The following GSK3B variants were observed in gnomAD, a reference collection of about 807,000 sequenced individuals.
GSK3B encodes glycogen synthase kinase 3 beta.
A neutral mutation model predicts 56.4 loss-of-function variants in GSK3B; 15 were observed. The ratio of observed to expected loss-of-function variants is 0.27; its 90% confidence interval spans 0.18 to 0.41. GSK3B has a LOEUF of 0.41. Among genes scored for constraint, GSK3B ranks in the 10% least tolerant of loss-of-function variants. The probability of loss-of-function intolerance (pLI) is 1.00; values close to 1 mark genes in which losing one functional copy is unlikely to be tolerated. For synonymous variants in GSK3B, 181 were observed against 188.9 expected (o/e 0.96, Z 0.34); for missense variants, 300 against 513.4 (o/e 0.58, Z 4.02).
chr3:119,889,203 A>G (rs2056473864), intron 7 of GSK3B, among the ~76,000 whole-genome samples: 1 of 152,038 alleles, frequency 6.6e-6, no homozygotes, highest in South Asian at 2.1e-4. Context: ...TCAGGTGGGC[A>G]TCACGGTTCT....
chr3:120,023,873 C>T (rs1431890603), intron 1 of GSK3B, among the ~76,000 whole-genome samples: 2 of 152,146 alleles, frequency 1.3e-5, no homozygotes, highest in Admixed American at 1.3e-4. Context: ...AATTGTGACC[C>T]GCGTAGGCAA....
At chr3:119,977,234 TAAGA>T (rs1248808000) in intron 2 of GSK3B, among the ~76,000 whole-genome samples, 1 of 152,164 alleles carries the variant, frequency 6.6e-6, no homozygotes. Context: ...TCTGTATCCT[TAAGA>T]AACTCTGTAT....
chr3:119,852,830 G>A (rs2055957473), intron 9 of GSK3B, among the ~76,000 whole-genome samples: 1 of 152,138 alleles, frequency 6.6e-6, no homozygotes, highest in South Asian at 2.1e-4. Context: ...TTAGCCCTTT[G>A]TCAGATGGGT....
chr3:119,875,664 T>C (rs1263836326), intron 8 of GSK3B, among the ~76,000 whole-genome samples: 4 of 152,032 alleles, frequency 2.6e-5, no homozygotes. Flanking sequence ...TCACTCTACT[T>C]ATAAACCCTA....
chr3:119,891,250 T>G (rs1405869929), intron 7 of GSK3B, among the ~76,000 whole-genome samples: 1 of 151,618 alleles, frequency 6.6e-6, no homozygotes, highest in Non-Finnish European at 1.5e-5. Context: ...AAAACAGCAT[T>G]CTAAAAGAGA....
rs1437190830 is a variant in GSK3B, at chr3:119,967,824, CTCTT to C, written c.283-20477_283-20474del. Among the ~76,000 whole-genome samples, 19 of 88,612 alleles carry C rather than the reference CTCTT, an allele frequency of 2.1e-4. No individual in the cohort carries two copies. The South Asian group carries it at 4.9e-3, about 23-fold the overall frequency. 58.1% of individuals were successfully genotyped at this position (88,612 alleles called of 152,430 possible). A position where few individuals can be genotyped will look rare whatever the true frequency, so the allele number is the denominator to read the frequency against. ...TCCCTCTCTCCCTCCCTCCCTTTCTCTCTTTCTCTTTCTCTCTCTCTCTCTCTCT... is the reference window on the plus strand; with the variant it reads ...TCCCTCTCTCCCTCCCTCCCTTTCTCTCTCTTTCTCTCTCTCTCTCTCTCT... On this transcript the variant is annotated intron_variant, in intron 2 of 10. Coordinates refer to ENST00000264235, the MANE Select transcript of GSK3B (RefSeq NM_001146156.2).
intron 1 of GSK3B, among the ~76,000 whole-genome samples, chr3:120,089,759 T>C (rs901487460): frequency 6.6e-6 from 1 of 152,114 alleles, no homozygotes; most frequent in Admixed American, 6.6e-5. Flanking sequence ...CCACAAACAG[T>C]CCCTTACTTT....
chr3:119,825,455 A>C lies in GSK3B; in HGVS notation c.*1333T>G, dbSNP rs954392403. ...GAAACATTCTTCTCATGCTTCAACC[A>C]GTCAATTTTGATACTGTAGACAAAA... is the stretch of plus-strand genomic sequence containing the variant. On this transcript the variant is annotated 3_prime_UTR_variant, in exon 11 of 11. Coordinates refer to ENST00000264235, the MANE Select transcript of GSK3B (RefSeq NM_001146156.2). The C allele has an allele frequency of 4.4e-6, 1 of 228,970 alleles. No homozygotes were observed. The highest frequency in any genetic ancestry group is 8.7e-6 in the Non-Finnish European group (1 of 115,558). 14.2% of individuals were successfully genotyped at this position (228,970 alleles called of 1,614,324 possible).
intron 8 of GSK3B, among the ~76,000 whole-genome samples, chr3:119,875,087 T>C (rs925292378): frequency 1.3e-5 from 2 of 152,036 alleles, no homozygotes; most frequent in Non-Finnish European, 2.9e-5. Context: ...TACCATAAAC[T>C]TTTAAAAAAG....
chr3:120,073,292 T>C, intron 1 of GSK3B, among the ~76,000 whole-genome samples: 1 of 148,686 alleles, frequency 6.7e-6, no homozygotes, highest in Non-Finnish European at 1.5e-5. Context: ...GAAAGGCTGA[T>C]GCAAGAGTAT....
At chr3:119,961,832 C>A (rs1397798673) in intron 2 of GSK3B, among the ~76,000 whole-genome samples, 1 of 152,042 alleles carries the variant, frequency 6.6e-6, no homozygotes, top group African/African-American at 2.4e-5. Flanking sequence ...ATGATGAGTA[C>A]CCATATAGTA....
chr3:119,973,010 G>A (rs1293608002), intron 2 of GSK3B, among the ~76,000 whole-genome samples: 1 of 152,140 alleles, frequency 6.6e-6, no homozygotes, highest in Non-Finnish European at 1.5e-5. Flanking sequence ...TGGCTCCTCA[G>A]AATTCTACAC....
intron 3 of GSK3B, among the ~76,000 whole-genome samples, chr3:119,938,932 A>G (rs1394402792): frequency 6.6e-6 from 1 of 152,094 alleles, no homozygotes; most frequent in African/African-American, 2.4e-5. Flanking sequence ...AAGAAACAAA[A>G]TTAATAAAAT....
At chr3:119,963,010 C>A (rs573286881) in intron 2 of GSK3B, among the ~76,000 whole-genome samples, 1 of 152,310 alleles carries the variant, frequency 6.6e-6, no homozygotes, top group East Asian at 1.9e-4. Flanking sequence ...CCATGCACCA[C>A]ACTGGTCCGC....
intron 2 of GSK3B, among the ~76,000 whole-genome samples, chr3:119,999,849 AAAGT>A (rs749732809): frequency 2.0e-5 from 3 of 152,172 alleles, no homozygotes; most frequent in Non-Finnish European, 2.9e-5. Flanking sequence ...AAAAGTTTGG[AAAGT>A]TAAGTATCTG....
chr3:119,961,074 T>C (rs2057267004), intron 2 of GSK3B, among the ~76,000 whole-genome samples: 1 of 152,100 alleles, frequency 6.6e-6, no homozygotes, highest in South Asian at 2.1e-4. Context: ...AAAAACAAGT[T>C]ATTCCCAAGT....
In GSK3B at chr3:120,094,384, G is replaced by GGGCGGC. The variant is rs556855605; in HGVS notation, c.-956_-951dup. 9.6e-4 allele frequency: 298 copies of GGGCGGC among 311,100 alleles called. 1 individual carries two copies. The highest frequency in any genetic ancestry group is 4.2e-3 in the African/African-American group (190 of 45,420). The allele number at this position is 311,100 out of a possible 1,614,324, so 19.3% of individuals were successfully genotyped here. A position where few individuals can be genotyped will look rare whatever the true frequency, so the allele number is the denominator to read the frequency against. Reference sequence around the variant, plus strand: ...CCTTCCTTCCTTTGTCACTTGGCCCGGGCGGCGGCGGCGGCGGCGGCGGCA... The same window carrying GGGCGGC: ...CCTTCCTTCCTTTGTCACTTGGCCCGGGCGGCGGCGGCGGCGGCGGCGGCGGCGGCA... On this transcript the variant is annotated 5_prime_UTR_variant, in exon 1 of 11. Coordinates refer to ENST00000264235, the MANE Select transcript of GSK3B (RefSeq NM_001146156.2).
chr3:120,065,033 C>T (rs1032441874), intron 1 of GSK3B, among the ~76,000 whole-genome samples: 4 of 152,032 alleles, frequency 2.6e-5, no homozygotes, highest in African/African-American at 9.7e-5. Context: ...TAGAAGAAAA[C>T]ATATGGGTAA....
chr3:119,907,879 A>T (rs945291196), intron 6 of GSK3B, among the ~76,000 whole-genome samples: 2 of 152,188 alleles, frequency 1.3e-5, no homozygotes, highest in African/African-American at 4.8e-5. Context: ...TCACAGAATA[A>T]CAGCTTCTTC....
Sources: allele counts gnomAD v4.1 joint callset (sites outside exome capture counted in the v4.1 genomes callset), GRCh38; gene constraint gnomAD v4.1.1; transcripts MANE v1.5; gene names NCBI Gene and HGNC (gene_info 2026-07-23, HGNC 2026-07-21).